The following PDE4D variants were observed in gnomAD, a reference collection of about 807,000 sequenced individuals.
The protein encoded by PDE4D is 3',5'-cyclic-AMP phosphodiesterase 4D.
In PDE4D, 24 loss-of-function variants were observed where a neutral mutation model predicts 87.4. The ratio of observed to expected loss-of-function variants is 0.27; its 90% CI spans 0.20 to 0.39. The LOEUF (loss-of-function observed/expected upper bound fraction) is 0.39, where lower values mean the gene tolerates loss of function less well. PDE4D is among the 10% of genes least tolerant of loss of function. The pLI is 1.00. For synonymous variants in PDE4D, 384 were observed against 383.2 expected, an observed-to-expected ratio of 1.00 and a Z score of -0.02; for missense variants, 714 against 1,041.0, an observed-to-expected ratio of 0.69 and a Z score of 4.32.
intron 1 of PDE4D, among the ~76,000 whole-genome samples, chr5:59,527,090 A>G (rs1813292281): frequency 6.6e-6 from 1 of 152,216 alleles, no homozygotes; most frequent in Admixed American, 6.5e-5. Context: ...TATAGGCAAA[A>G]CGTGAATATG....
chr5:59,222,228 G>A (rs560282737), intron 1 of PDE4D, among the ~76,000 whole-genome samples: 2 of 152,244 alleles, frequency 1.3e-5, no homozygotes, highest in Admixed American at 1.3e-4. Flanking sequence ...TCAACTGCTC[G>A]CATACTTTGT....
chr5:60,401,573 G>A (rs961714210), intron 1 of PDE4D, among the ~76,000 whole-genome samples: 2 of 152,164 alleles, frequency 1.3e-5, no homozygotes, highest in African/African-American at 2.4e-5. Context: ...TGATGTACAG[G>A]TGAAAGTGAT....
At chr5:59,926,370 A>G (rs1425176810) in intron 3 of PDE4D, among the ~76,000 whole-genome samples, 2 of 152,118 alleles carry the variant, frequency 1.3e-5, no homozygotes, top group African/African-American at 4.8e-5. Context: ...AGCAGTAATA[A>G]GAGGGCAGTT....
At chr5:60,431,291 GC>G (rs1248840129) in intron 1 of PDE4D, among the ~76,000 whole-genome samples, 1 of 151,540 alleles carries the variant, frequency 6.6e-6, no homozygotes, top group Non-Finnish European at 1.5e-5. Flanking sequence ...CAGCTGCCGG[GC>G]GGAGGGGCTC....
At chr5:59,894,187 G>A (rs995374106), upstream of PDE4D, among the ~76,000 whole-genome samples, 1 of 152,004 alleles carries the variant, frequency 6.6e-6, no homozygotes, top group African/African-American at 2.4e-5. Context: ...CGCCGTGCCC[G>A]CGCCTCCCTC....
At chr5:59,463,073 T>C (rs1251410760) in intron 1 of PDE4D, among the ~76,000 whole-genome samples, 1 of 152,188 alleles carries the variant, frequency 6.6e-6, no homozygotes, top group Non-Finnish European at 1.5e-5. Context: ...TGACTGTATA[T>C]TGAGAAGGTG....
intron 2 of PDE4D, among the ~76,000 whole-genome samples, chr5:60,090,691 A>G (rs1280823719): frequency 6.6e-6 from 1 of 152,210 alleles, no homozygotes; most frequent in Non-Finnish European, 1.5e-5. Context: ...GTTAGGCAAG[A>G]GAACGATACA....
In PDE4D at chr5:59,816,512, C is replaced by G. The variant is rs367863782; in HGVS notation, c.455+76656G>C. 7.9e-5 allele frequency among the ~76,000 whole-genome samples: 12 copies of G among 152,308 alleles called. No individual in the cohort carries two copies. The South Asian group carries it at 2.1e-3, about 26-fold the overall frequency. ...ATTATCCAGAAGATAAAATAAGGCA[C>G]TTACCAAAAATACTAACATTTACAT... is the stretch of plus-strand genomic sequence containing the variant. On this transcript the variant is annotated intron_variant, in intron 1 of 14. Transcript: ENST00000340635.
chr5:59,543,429 C>T (rs1418888329), intron 1 of PDE4D, among the ~76,000 whole-genome samples: 1 of 152,100 alleles, frequency 6.6e-6, no homozygotes, highest in African/African-American at 2.4e-5. Flanking sequence ...TGGTTTCTTT[C>T]ACCAATTAGT....
chr5:60,319,792 A>G (rs899548188), intron 1 of PDE4D, among the ~76,000 whole-genome samples: 1 of 152,224 alleles, frequency 6.6e-6, no homozygotes, highest in Non-Finnish European at 1.5e-5. Context: ...AGGCTGCAGA[A>G]CAGTGGATAT....
intron 3 of PDE4D, 27 bp downstream of exon 3, chr5:59,193,472 AC>A: frequency 6.2e-7 from 1 of 1,605,982 alleles, no homozygotes; most frequent in Non-Finnish European, 8.5e-7. Context: ...TCTGTGAGAA[AC>A]CTGCCCATTC....
intron 1 of PDE4D, among the ~76,000 whole-genome samples, chr5:60,303,371 C>T (rs1157295183): frequency 2.0e-5 from 3 of 146,552 alleles, no homozygotes; most frequent in African/African-American, 7.8e-5. Context: ...TGCAGTGGCG[C>T]GATCTCGGCT....
intron 1 of PDE4D, among the ~76,000 whole-genome samples, chr5:59,477,999 C>A (rs1214972354): frequency 6.6e-6 from 1 of 151,930 alleles, no homozygotes; most frequent in Admixed American, 6.6e-5. Flanking sequence ...ACCGAGTACA[C>A]ATGGACGGAA....
At chr5:60,452,766 C>A (rs1242509144) in intron 1 of PDE4D, among the ~76,000 whole-genome samples, 2 of 152,018 alleles carry the variant, frequency 1.3e-5, no homozygotes, top group African/African-American at 4.8e-5. Flanking sequence ...TTAAACAGAT[C>A]TGAGACAATA....
At chr5:59,244,873 C>T (rs1237321137) in intron 1 of PDE4D, among the ~76,000 whole-genome samples, 2 of 151,048 alleles carry the variant, frequency 1.3e-5, no homozygotes, top group Admixed American at 1.3e-4. Flanking sequence ...TAAACCAACA[C>T]GTTTTAATGA....
intron 1 of PDE4D, among the ~76,000 whole-genome samples, chr5:59,768,827 AC>A (rs1346371490): frequency 2.6e-5 from 4 of 152,318 alleles, no homozygotes; most frequent in Admixed American, 2.6e-4. Flanking sequence ...AGCCTGTTAA[AC>A]TATTGGAACT....
chr5:59,291,735 G>T (rs27182), intron 1 of PDE4D, among the ~76,000 whole-genome samples: 2 of 145,530 alleles, frequency 1.4e-5, no homozygotes, highest in Non-Finnish European at 3.0e-5. Flanking sequence ...AAAGTAAAAA[G>T]AAGTTTTTTT....
At chr5:59,178,944 G>C (rs895635679) in intron 5 of PDE4D, among the ~76,000 whole-genome samples, 1 of 152,074 alleles carries the variant, frequency 6.6e-6, no homozygotes, top group Admixed American at 6.6e-5. Flanking sequence ...ATAAATGTAG[G>C]CCTGTCCATT....
chr5:59,011,465 C>G (rs934289602), intron 6 of PDE4D, among the ~76,000 whole-genome samples: 1 of 152,140 alleles, frequency 6.6e-6, no homozygotes, highest in Non-Finnish European at 1.5e-5. Context: ...CCTGATGGAG[C>G]TGAAAACCAT....
Sources: allele counts gnomAD v4.1 joint callset (sites outside exome capture counted in the v4.1 genomes callset), GRCh38; gene constraint gnomAD v4.1.1; transcripts MANE v1.5; gene names NCBI Gene and HGNC (gene_info 2026-07-23, HGNC 2026-07-21).